PROS1: variants seen among roughly 807,000 people sequenced by gnomAD.
The protein encoded by PROS1 is vitamin K-dependent protein S.
PROS1 carries 29 observed loss-of-function variants against 75.9 expected under a neutral mutation model. That is an observed-to-expected ratio of 0.38 (90% CI 0.28 to 0.52). PROS1 has a LOEUF of 0.52. PROS1 is among the 20% of genes least tolerant of loss of function. The pLI, the probability that PROS1 is intolerant of heterozygous loss-of-function variation, is 0.83. For synonymous variants in PROS1, 245 were observed against 280.6 expected (o/e 0.87, Z 1.27); for missense variants, 680 against 810.3 (o/e 0.84, Z 1.95).
rs1181300956 is a variant in PROS1 at position 93,927,897 on chromosome 3, ATATG to A, written c.77-494_77-491del. ...TATGTGTGTATGTGTATATATATAT[ATATG>A]TGTGTGTGTGTGTATATATATATGT... is the stretch of plus-strand genomic sequence containing the variant. On this transcript the variant is annotated intron_variant, in intron 1 of 14. Transcript: ENST00000394236. 2.0e-4 allele frequency among the ~76,000 whole-genome samples: 28 copies of A among 139,410 alleles called. 1 individual carries two copies. The highest frequency in any genetic ancestry group is 2.4e-4 in the Non-Finnish European group (16 of 65,338). The allele number at this position is 139,410 out of a possible 152,430, so 91.5% of individuals were successfully genotyped here.
intron 1 of PROS1, among the ~76,000 whole-genome samples, chr3:93,966,518 T>C (rs1393436238): frequency 1.3e-5 from 2 of 152,184 alleles, no homozygotes; most frequent in Admixed American, 1.3e-4. Context: ...GTAGGCAGCA[T>C]AAACAAAGGA....
Position 93,956,563 on chromosome 3 carries a change from A to ACACACAAACACAC in PROS1, c.76+17110_76+17111insGTGTGTTTGTGTG, listed in dbSNP as rs57080075. Among the ~76,000 whole-genome samples the ACACACAAACACAC allele has an allele frequency of 9.3e-5, 12 of 128,378 alleles. No homozygotes were observed. In the South Asian group the frequency reaches 1.3e-3, roughly 14 times the overall value. The allele number at this position is 128,378 out of a possible 152,430, so 84.2% of individuals were successfully genotyped here. ...ACACACACACACACACACACACACAAACACACACACACACACACACACACA... is the reference window on the plus strand; with the variant it reads ...ACACACACACACACACACACACACAACACACAAACACACACACACACACACACACACACACACA... On this transcript the variant is annotated intron_variant, in intron 1 of 14. Coordinates refer to ENST00000394236, the MANE Select transcript of PROS1 (RefSeq NM_000313.4).
At chr3:93,962,695 C>A (rs1709725042) in intron 1 of PROS1, among the ~76,000 whole-genome samples, 1 of 152,120 alleles carries the variant, frequency 6.6e-6, no homozygotes, top group Non-Finnish European at 1.5e-5. Context: ...AACTATAGGC[C>A]TAATCAGACT....
chr3:93,896,438 C>A, intron 9 of PROS1, 138 bp downstream of exon 9: 1 of 740,506 alleles, frequency 1.4e-6, no homozygotes, highest in Non-Finnish European at 2.5e-6. Context: ...TTAGGTTTCC[C>A]CAAGTCATCT....
At chr3:93,934,771 T>G (rs1485038226) in intron 1 of PROS1, among the ~76,000 whole-genome samples, 1 of 151,906 alleles carries the variant, frequency 6.6e-6, no homozygotes, top group Admixed American at 6.6e-5. Flanking sequence ...GAAAAGCCAC[T>G]GGTGGAATTA....
At chr3:93,927,915 A>G (rs189501643) in intron 1 of PROS1, among the ~76,000 whole-genome samples, 158 of 135,070 alleles carry the variant, frequency 1.2e-3, no homozygotes, top group African/African-American at 3.6e-3. Flanking sequence ...GTGTGTGTGT[A>G]TATATATATG....
At chr3:93,878,921 T>C (rs1381523483) in intron 13 of PROS1, among the ~76,000 whole-genome samples, 1 of 152,162 alleles carries the variant, frequency 6.6e-6, no homozygotes. Flanking sequence ...ATAGATGCAG[T>C]AGGTTTTTCA....
At chr3:93,892,695 AG>A in intron 10 of PROS1, among the ~76,000 whole-genome samples, 1 of 152,276 alleles carries the variant, frequency 6.6e-6, no homozygotes, top group Admixed American at 6.5e-5. Context: ...CAACTAAAAA[AG>A]GTAAAAAGTT....
intron 1 of PROS1, among the ~76,000 whole-genome samples, chr3:93,951,973 A>C (rs942822808): frequency 1.3e-5 from 2 of 152,224 alleles, no homozygotes; most frequent in Non-Finnish European, 2.9e-5. Context: ...CAAAGATCAA[A>C]AGAGACAAAG....
At chr3:93,924,743 G>T (rs1708992019) in intron 2 of PROS1, among the ~76,000 whole-genome samples, 1 of 150,380 alleles carries the variant, frequency 6.6e-6, no homozygotes, top group Admixed American at 6.7e-5. Context: ...ACTCACTGCA[G>T]CCTTACCCTC....
chr3:93,950,139 G>A (rs1049595103), intron 1 of PROS1, among the ~76,000 whole-genome samples: 33 of 152,246 alleles, frequency 2.2e-4, no homozygotes, highest in African/African-American at 7.2e-4. Flanking sequence ...GGGGGGAAGC[G>A]CGTCTGCCAT....
intron 1 of PROS1, among the ~76,000 whole-genome samples, chr3:93,954,678 T>C (rs1369264371): frequency 2.6e-5 from 4 of 152,198 alleles, no homozygotes; most frequent in Admixed American, 6.5e-5. Flanking sequence ...AAGGACTTCA[T>C]GACTAAAGTA....
intron 1 of PROS1, among the ~76,000 whole-genome samples, chr3:93,965,323 C>T (rs781475935): frequency 1.2e-4 from 18 of 152,222 alleles, no homozygotes; most frequent in Non-Finnish European, 2.9e-5. Context: ...ACTCCCATCC[C>T]TCCGGATCCG....
chr3:93,888,902 C>A (rs1231758557), intron 10 of PROS1, among the ~76,000 whole-genome samples: 1 of 152,130 alleles, frequency 6.6e-6, no homozygotes, highest in Non-Finnish European at 1.5e-5. Context: ...AGCATAAAAT[C>A]CACATCCTCA....
intron 6 of PROS1, among the ~76,000 whole-genome samples, chr3:93,902,096 T>C (rs565261929): frequency 1.3e-5 from 2 of 152,056 alleles, no homozygotes; most frequent in African/African-American, 4.8e-5. Context: ...GAGACCAGCC[T>C]GAGCAACATG....
At chr3:93,960,390 A>ATGG (rs978676131) in intron 1 of PROS1, among the ~76,000 whole-genome samples, 1 of 151,662 alleles carries the variant, frequency 6.6e-6, no homozygotes, top group Non-Finnish European at 1.5e-5. Context: ...GTTAGCTAGG[A>ATGG]TGGTCTCAAT....
chr3:93,952,791 C>T lies in PROS1; in HGVS notation c.76+20883G>A, dbSNP rs866722821. ...TTCAAAAAATCAGTGAATCCAAGAG[C>T]TGGCTTTTTGAAAAGATCAACAAAA... On this transcript the variant is annotated intron_variant, in intron 1 of 14. Coordinates refer to ENST00000394236, the MANE Select transcript of PROS1 (RefSeq NM_000313.4). 2.5e-4 allele frequency among the ~76,000 whole-genome samples: 38 copies of T among 152,254 alleles called. No individual in the cohort carries two copies. In the South Asian group the frequency reaches 6.8e-3, roughly 27 times the overall value.
Position 93,973,889 on chromosome 3 carries a change from G to T in PROS1, c.-140C>A, listed in dbSNP as rs576574328. ...CGGCGCCAGCGACCCAGCGAGCCTC[G>T]GCGGAACAGCCGGGGGCGGAGGAGA... is the stretch of plus-strand genomic sequence containing the variant. On this transcript the variant is annotated 5_prime_UTR_variant, in exon 1 of 15. Transcript: ENST00000394236. The T allele has an allele frequency of 2.1e-5, 12 of 581,174 alleles. No homozygotes were observed. The African/African-American group carries it at 2.2e-4, about 11-fold the overall frequency. The allele number at this position is 581,174 out of a possible 1,614,324, so 36.0% of individuals were successfully genotyped here. A position where few individuals can be genotyped will look rare whatever the true frequency, so the allele number is the denominator to read the frequency against.
chr3:93,948,652 C>A (rs1269483866), intron 1 of PROS1, among the ~76,000 whole-genome samples: 1 of 152,088 alleles, frequency 6.6e-6, no homozygotes, highest in Non-Finnish European at 1.5e-5. Context: ...GAACAATAAA[C>A]AATAATGTTT....
Sources: gnomAD v4.1 joint callset for allele counts (sites outside exome capture counted in the v4.1 genomes callset) on GRCh38, gnomAD v4.1.1 for gene constraint, MANE v1.5 for transcripts, NCBI Gene and HGNC (gene_info 2026-07-23, HGNC 2026-07-21) for gene names.